HNRNPA3: variants seen among roughly 807,000 people sequenced by gnomAD.
The protein encoded by HNRNPA3 is epididymis secretory sperm binding protein.
Under a neutral mutation model 45.8 loss-of-function variants are expected in HNRNPA3, and 3 were observed. That is an observed-to-expected ratio of 0.07 (90% CI 0.03 to 0.17). The LOEUF is 0.17. Among genes scored for constraint, HNRNPA3 ranks in the 10% least tolerant of loss-of-function variants. The pLI is 1.00. For synonymous variants in HNRNPA3, 170 were observed against 155.6 expected (o/e 1.09, Z -0.69); for missense variants, 183 against 480.3 (o/e 0.38, Z 5.79).
chr2:177,216,949 CT>C lies in HNRNPA3; in HGVS notation c.820+11del. The C allele has an allele frequency of 2.0e-6, 3 of 1,504,382 alleles. No homozygotes were observed. The highest frequency in any genetic ancestry group is 1.8e-6 in the Non-Finnish European group (2 of 1,119,656). 93.2% of individuals were successfully genotyped at this position (1,504,382 alleles called of 1,614,324 possible). On this transcript the variant is annotated intron_variant, in intron 7 of 10. Coordinates refer to ENST00000392524, the Ensembl canonical transcript of HNRNPA3. ...TGGATTTGGAGGTGATGGTAGGTGG[CT>C]TATTTTCATTGATGTTTGATATTTT...
At chr2:177,214,935 C>G (rs996331749) in intron 1 of HNRNPA3, among the ~76,000 whole-genome samples, 1 of 152,178 alleles carries the variant, frequency 6.6e-6, no homozygotes, top group African/African-American at 2.4e-5. Context: ...AGTAAAGGTT[C>G]TCAGACAGTT....
chr2:177,221,596 AACAGTGTGG>A (rs1172238600), downstream of HNRNPA3: 1 of 152,648 alleles, frequency 6.6e-6, no homozygotes, highest in Non-Finnish European at 1.5e-5. Flanking sequence ...AGCTCTTGTG[AACAGTGTGG>A]AAAAGTAAGC....
At chr2:177,215,500 A>C (rs766332191) in intron 1 of HNRNPA3, 39 bp from the exon 2 acceptor site, 4 of 1,604,588 alleles carry the variant, frequency 2.5e-6, no homozygotes, top group South Asian at 1.1e-5. Flanking sequence ...TAATTCATCT[A>C]CTGTAAGGTA....
intron 1 of HNRNPA3, 26 bp downstream of exon 1, chr2:177,212,897 G>A (rs1359858968): frequency 3.6e-6 from 5 of 1,395,902 alleles, no homozygotes; most frequent in Non-Finnish European, 3.8e-6. Context: ...CGGGGGGTTG[G>A]TGGGGAATGG....
downstream of HNRNPA3, chr2:177,222,480 C>G (rs1165173924): frequency 6.6e-6 from 1 of 152,136 alleles, no homozygotes; most frequent in East Asian, 1.9e-4. Flanking sequence ...AGCTGCCCAT[C>G]CTCATACTAG....
At chr2:177,218,052 C>CTTTTTTTTTTTTTTTTTTTTTTTTT (rs58476089) in intron 8 of HNRNPA3, among the ~76,000 whole-genome samples, 1 of 102,178 alleles carries the variant, frequency 9.8e-6, no homozygotes, top group African/African-American at 4.0e-5. Flanking sequence ...TCTCTTTTTT[C>CTTTTTTTTTTTTTTTTTTTTTTTTT]TTTTTTTTTT....
chr2:177,213,795 C>T (rs916043187), intron 1 of HNRNPA3, among the ~76,000 whole-genome samples: 12 of 152,244 alleles, frequency 7.9e-5, no homozygotes, highest in Admixed American at 7.8e-4. Flanking sequence ...TGAGTCGGCT[C>T]TGGTTGTAGT....
chr2:177,213,276 C>G (rs899067461), intron 1 of HNRNPA3, among the ~76,000 whole-genome samples: 4 of 152,190 alleles, frequency 2.6e-5, no homozygotes, highest in African/African-American at 7.2e-5. Flanking sequence ...GACATTGATC[C>G]GCCGCCGCGT....
chr2:177,216,427 A>C, intron 4 of HNRNPA3, 76 bp from the exon 5 acceptor site: 1 of 1,034,390 alleles, frequency 9.7e-7, no homozygotes, highest in South Asian at 1.4e-5. Flanking sequence ...TTACATAATG[A>C]CAGAGGGTAT....
intron 7 of HNRNPA3, 99 bp from the exon 8 acceptor site, chr2:177,217,606 A>G: frequency 6.8e-7 from 1 of 1,469,310 alleles, no homozygotes. Flanking sequence ...GAGCCCGGGC[A>G]ACAGAGCAAG....
At chr2:177,218,067 T>C (rs1337166177) in intron 8 of HNRNPA3, among the ~76,000 whole-genome samples, 1 of 143,188 alleles carries the variant, frequency 7.0e-6, no homozygotes, top group East Asian at 2.0e-4. Flanking sequence ...TTTTTTTTTT[T>C]TTTTTTTTTT....
intron 1 of HNRNPA3, 40 bp from the exon 2 acceptor site, chr2:177,215,499 T>C (rs1414188210): frequency 1.2e-6 from 2 of 1,603,338 alleles, no homozygotes; most frequent in East Asian, 2.2e-5. Context: ...TTAATTCATC[T>C]ACTGTAAGGT....
Position 177,219,323 on chromosome 2 carries a change from C to T in HNRNPA3, c.*15+9C>T, listed in dbSNP as rs753990106. 10 of 1,590,270 alleles carry T rather than the reference C, an allele frequency of 6.3e-6. No homozygotes were observed. The highest frequency in any genetic ancestry group is 5.6e-5 in the South Asian group (5 of 88,592). On this transcript the variant is annotated intron_variant, in intron 10 of 10. Transcript: ENST00000392524. The stretch of plus-strand genomic sequence containing the variant: ...AAAAACAGCAGAAAAGGGTAGGTAT[C>T]TTTAAATTTTTATTATGATGATAAA...
At chr2:177,214,976 A>C (rs1396531449) in intron 1 of HNRNPA3, among the ~76,000 whole-genome samples, 1 of 152,198 alleles carries the variant, frequency 6.6e-6, no homozygotes, top group Admixed American at 6.5e-5. Context: ...CGATTTTTTG[A>C]TTCTGGAATT....
At chr2:177,213,941 G>T (rs563720142) in intron 1 of HNRNPA3, among the ~76,000 whole-genome samples, 1 of 152,278 alleles carries the variant, frequency 6.6e-6, no homozygotes, top group South Asian at 2.1e-4. Flanking sequence ...GACTTGAAAA[G>T]ATGAGATTAC....
intron 8 of HNRNPA3, 105 bp downstream of exon 8, chr2:177,217,950 T>G: frequency 8.6e-7 from 1 of 1,163,696 alleles, no homozygotes; most frequent in Non-Finnish European, 1.2e-6. Flanking sequence ...AAATTTTATG[T>G]TCTATAAGAA....
intron 7 of HNRNPA3, 135 bp from the exon 8 acceptor site, chr2:177,217,570 A>G (rs1356444823): frequency 3.0e-6 from 3 of 1,014,498 alleles, no homozygotes; most frequent in Non-Finnish European, 4.6e-6. Context: ...TCAAGGCTGC[A>G]TTGCTGTGGT....
At chr2:177,223,277 T>G (rs1689265711), downstream of HNRNPA3, 1 of 152,190 alleles carries the variant, frequency 6.6e-6, no homozygotes, top group South Asian at 2.1e-4. Flanking sequence ...AGCAAACATT[T>G]TTTTTTTAAG....
rs753583768 is a variant in HNRNPA3, at chr2:177,219,172, T to A, written c.1084+13T>A. On this transcript the variant is annotated intron_variant, in intron 9 of 10. Transcript: ENST00000392524. ...AGTCCCTATGGTGGTAAGTACTTTC[T>A]TAAATCAATTCTTTAGAGCCTTTTT... 1 of 1,612,424 alleles carries A rather than the reference T, an allele frequency of 6.2e-7. No homozygotes were observed.
Sources: gnomAD v4.1 joint callset for allele counts (sites outside exome capture counted in the v4.1 genomes callset) on GRCh38, gnomAD v4.1.1 for gene constraint, MANE v1.5 for transcripts, NCBI Gene and HGNC (gene_info 2026-07-23, HGNC 2026-07-21) for gene names.